Variants in WDR11 observed in about 807,000 individuals in gnomAD.
WDR11 encodes WD repeat domain 11.
Under a neutral mutation model 151.2 loss-of-function variants are expected in WDR11, and 83 were observed. The observed-to-expected ratio is 0.55, with a 90% confidence interval of 0.46 to 0.66. WDR11 has a LOEUF of 0.66. WDR11 is among the 30% of genes least tolerant of loss of function. The pLI is 0.00. For missense variants in WDR11, 1,301 were observed against 1,480.9 expected, an observed-to-expected ratio of 0.88 and a Z score of 1.99; for synonymous variants, 484 against 533.1, an observed-to-expected ratio of 0.91 and a Z score of 1.27.
chr10:120,905,315 T>C lies in WDR11; in HGVS notation c.3194-4T>C, dbSNP rs1847992183. Reference sequence around the variant, plus strand: ...ACTTAAGGGGATGCGCTTTTGTCTTTCAGAGGGCGTTCAGTTGCTCTGCCT... The same window carrying C: ...ACTTAAGGGGATGCGCTTTTGTCTTCCAGAGGGCGTTCAGTTGCTCTGCCT... On this transcript the variant is annotated splice_region_variant and splice_polypyrimidine_tract_variant and intron_variant, in intron 25 of 28. Coordinates refer to ENST00000263461, the MANE Select transcript of WDR11 (RefSeq NM_018117.12). 3 of 1,613,846 alleles carry C rather than the reference T, an allele frequency of 1.9e-6. No homozygotes were observed. The highest frequency in any genetic ancestry group is 1.3e-5 in the African/African-American group (1 of 74,916).
intron 19 of WDR11, among the ~76,000 whole-genome samples, chr10:120,894,236 C>T (rs911269254): frequency 8.5e-5 from 13 of 152,164 alleles, no homozygotes; most frequent in Admixed American, 1.3e-4. Context: ...CTACATATGG[C>T]TAGCCAGTTT....
intron 2 of WDR11, among the ~76,000 whole-genome samples, chr10:120,858,337 G>C (rs1037084312): frequency 1.3e-5 from 2 of 152,044 alleles, no homozygotes; most frequent in Admixed American, 1.3e-4. Flanking sequence ...TAGATCTTAG[G>C]AAAACTGATT....
At chr10:120,899,906 C>A in intron 19 of WDR11, 123 bp from the exon 20 acceptor site, 1 of 769,978 alleles carries the variant, frequency 1.3e-6, no homozygotes, top group Non-Finnish European at 2.2e-6. Context: ...ATTGAATATA[C>A]TCTCAGTTGT....
chr10:120,857,538 A>G (rs1415043035), intron 2 of WDR11, among the ~76,000 whole-genome samples: 1 of 128,860 alleles, frequency 7.8e-6, no homozygotes, highest in African/African-American at 2.9e-5. Context: ...ATACATATGC[A>G]TATATACACA....
chr10:120,890,256 A>G (rs1055412090), intron 18 of WDR11, among the ~76,000 whole-genome samples: 2 of 152,224 alleles, frequency 1.3e-5, no homozygotes, highest in Admixed American at 1.3e-4. Flanking sequence ...CTTGTCGCCC[A>G]GGCTGGAGTG....
At chr10:120,902,419 A>G (rs1847863772) in intron 22 of WDR11, 97 bp downstream of exon 22, 4 of 1,011,234 alleles carry the variant, frequency 4.0e-6, no homozygotes, top group Non-Finnish European at 4.6e-6. Context: ...ATTTTAGAAA[A>G]ATGTATCAGT....
intron 19 of WDR11, among the ~76,000 whole-genome samples, chr10:120,893,841 C>T (rs1429170237): frequency 1.3e-3 from 202 of 150,250 alleles, no homozygotes; most frequent in African/African-American, 4.5e-3. Flanking sequence ...TCATATCCTT[C>T]GCCCACTTTT....
At chr10:120,879,905 T>C (rs572801181) in intron 12 of WDR11, 12 of 152,362 alleles carry the variant, frequency 7.9e-5, no homozygotes, top group African/African-American at 2.9e-4. Context: ...ATTTATACTT[T>C]TTTTATTCAC....
chr10:120,875,027 C>T (rs867847686), intron 11 of WDR11, among the ~76,000 whole-genome samples: 4 of 151,948 alleles, frequency 2.6e-5, no homozygotes, highest in Middle Eastern at 3.4e-3. Context: ...TATGTGTTCT[C>T]ATCGTTCAAC....
At chr10:120,874,615 T>C (rs1391823033) in intron 11 of WDR11, among the ~76,000 whole-genome samples, 2 of 151,960 alleles carry the variant, frequency 1.3e-5, no homozygotes, top group African/African-American at 4.8e-5. Context: ...TGTGTCCATG[T>C]GTTCTCATTG....
At chr10:120,868,432 G>A (rs1274778111) in intron 9 of WDR11, among the ~76,000 whole-genome samples, 1 of 152,016 alleles carries the variant, frequency 6.6e-6, no homozygotes, top group Non-Finnish European at 1.5e-5. Flanking sequence ...ACTCCAACCT[G>A]GGCAACAGAG....
At position 120,885,830 on chromosome 10, in the gene WDR11, A is replaced by C; in HGVS notation, c.1865A>C (p.His622Pro). Residue 622 changes from histidine (H) to proline (P), a missense_variant, in exon 15 of 29, where the codon CAC (histidine) becomes CCC (proline). His to Pro is a moderately conservative substitution (Grantham distance 77). Coordinates refer to ENST00000263461, the MANE Select transcript of WDR11 (RefSeq NM_018117.12). The stretch of plus-strand genomic sequence containing the variant: ...GCTTTACAGGAGTGGTCACCATCTC[A>C]CAACTTGAAGAGCCTGAGAAAGAAG... ...TITALEWSPS[H>P]NLKSLRKKQL... 1 of 1,613,830 alleles carries C rather than the reference A, an allele frequency of 6.2e-7. No individual in the cohort carries two copies. Among genetic ancestry groups the C allele is most frequent in the South Asian group, 1.1e-5 (1 of 91,082 alleles).
intron 4 of WDR11, among the ~76,000 whole-genome samples, chr10:120,861,386 A>G (rs1236017774): frequency 6.6e-6 from 1 of 152,182 alleles, no homozygotes; most frequent in Admixed American, 6.5e-5. Flanking sequence ...ACATACACTC[A>G]CTTGGTCACC....
chr10:120,890,043 A>T (rs1847371852), intron 18 of WDR11, 34 bp downstream of exon 18: 1 of 1,451,830 alleles, frequency 6.9e-7, no homozygotes, highest in Admixed American at 1.7e-5. Context: ...AACGTAAATA[A>T]ATTGTTAGCC....
At position 120,903,068 on chromosome 10, in the gene WDR11, G is replaced by C; in HGVS notation, c.2767G>C (p.Glu923Gln). The C allele has an allele frequency of 6.2e-7, 1 of 1,614,062 alleles. No homozygotes were observed. Among genetic ancestry groups the C allele is most frequent in the African/African-American group, 1.3e-5 (1 of 75,038 alleles). ...CLLVSRLYGD[E>Q]SELHFWTVAA... The stretch of plus-strand genomic sequence containing the variant: ...CATCCTTGCCAGGCTCTATGGTGAT[G>C]AATCGGAGCTGCACTTCTGGACTGT... The change falls in exon 23 of 29, where the codon GAA (glutamate) becomes CAA (glutamine). Residue 923 changes from glutamate (E) to glutamine (Q), a missense_variant. By Grantham distance (29) the Glu-to-Gln change is conservative (BLOSUM62 2). Coordinates refer to ENST00000263461, the MANE Select transcript of WDR11 (RefSeq NM_018117.12).
At chr10:120,876,431 G>A (rs569139820) in intron 11 of WDR11, among the ~76,000 whole-genome samples, 190 of 152,308 alleles carry the variant, frequency 1.2e-3, no homozygotes, top group South Asian at 7.3e-3. Flanking sequence ...CATCTCCCCA[G>A]ATACATTTAC....
In WDR11 at chr10:120,851,455, C is replaced by T; in HGVS notation, c.35C>T (p.Ala12Val). Residue 12 changes from alanine (A) to valine (V), a missense_variant, in exon 1 of 29, where the codon GCG (alanine) becomes GTG (valine). By Grantham distance (64) the Ala-to-Val change is moderately conservative (BLOSUM62 0). Transcript: ENST00000263461. The stretch of plus-strand genomic sequence containing the variant: ...TACACAGTGAACTTCAAGGTGTCGG[C>T]GCGCACCCTCACGGGGGCCCTCAAC... ...LPYTVNFKVS[A>V]RTLTGALNAH... The T allele has an allele frequency of 1.9e-6, 3 of 1,612,172 alleles. No homozygotes were observed. The highest frequency in any genetic ancestry group is 2.5e-6 in the Non-Finnish European group (3 of 1,179,754).
rs77051298 is a variant in WDR11, at chr10:120,892,650, T to G, written c.2515+1763T>G. Among the ~76,000 whole-genome samples, 332 of 152,334 alleles carry G rather than the reference T, an allele frequency of 2.2e-3. 2 individuals are homozygous for G. The highest frequency in any genetic ancestry group is 7.4e-3 in the African/African-American group (309 of 41,580). On this transcript the variant is annotated intron_variant, in intron 19 of 28. Coordinates refer to ENST00000263461, the MANE Select transcript of WDR11 (RefSeq NM_018117.12). ...AACATTGGTGTTTCCTATGTTTTCT[T>G]CAATTCTCCTTGAAAACAAGTAGAG...
At chr10:120,885,271 G>GTA (rs148015588) in intron 14 of WDR11, 290 of 146,760 alleles carry the variant, frequency 2.0e-3, no homozygotes, top group African/African-American at 5.5e-3. Context: ...ACAGGATGAA[G>GTA]TATATATATA....
Sources: gnomAD v4.1 joint callset for allele counts (sites outside exome capture counted in the v4.1 genomes callset) on GRCh38, gnomAD v4.1.1 for gene constraint, MANE v1.5 for transcripts, NCBI Gene and HGNC (gene_info 2026-07-23, HGNC 2026-07-21) for gene names.